The following MYO3B variants were observed in gnomAD, a reference collection of about 807,000 sequenced individuals.
MYO3B encodes myosin-IIIb.
Under a neutral mutation model 174.6 loss-of-function variants are expected in MYO3B, and 156 were observed. The ratio of observed to expected loss-of-function variants is 0.89; its 90% CI spans 0.78 to 1.02. MYO3B has a LOEUF of 1.02. Among genes scored for constraint, MYO3B ranks in the 50% least tolerant of loss-of-function variants. MYO3B has a pLI of 0.00. For missense variants in MYO3B, 1,632 were observed against 1,639.4 expected (o/e 1.00, Z 0.08); for synonymous variants, 563 against 569.1 (o/e 0.99, Z 0.15).
intron 32 of MYO3B, among the ~76,000 whole-genome samples, chr2:170,547,395 A>C (rs2106215878): frequency 6.6e-6 from 1 of 152,178 alleles, no homozygotes; most frequent in South Asian, 2.1e-4. Context: ...TCACATTAAG[A>C]GAAAAGCACA....
rs552594236 is a variant in MYO3B at position 170,416,818 on chromosome 2, G to GTTTTT, written c.2650+8993_2650+8997dup. 1.9e-3 allele frequency among the ~76,000 whole-genome samples: 221 copies of GTTTTT among 116,070 alleles called. 6 individuals are homozygous for GTTTTT. Among genetic ancestry groups the GTTTTT allele is most frequent in the Non-Finnish European group, 2.4e-3 (135 of 56,870 alleles). 76.1% of individuals were successfully genotyped at this position (116,070 alleles called of 152,430 possible). A position where few individuals can be genotyped will look rare whatever the true frequency, so the allele number is the denominator to read the frequency against. On this transcript the variant is annotated intron_variant, in intron 22 of 34. Coordinates refer to ENST00000408978, the MANE Select transcript of MYO3B (RefSeq NM_138995.5). ...CTTTCCCCAGATCTTTTTTTCTGTT[G>GTTTTT]TTTTTTTTTTTTTTTTTTTTTTTGA...
chr2:170,439,901 C>T (rs1160202630), intron 22 of MYO3B, among the ~76,000 whole-genome samples: 2 of 152,070 alleles, frequency 1.3e-5, no homozygotes, highest in African/African-American at 2.4e-5. Context: ...AGGATGGTCT[C>T]GATCTCCTGA....
At chr2:170,493,576 A>G (rs762385476) in intron 25 of MYO3B, among the ~76,000 whole-genome samples, 14 of 152,298 alleles carry the variant, frequency 9.2e-5, no homozygotes, top group Non-Finnish European at 1.8e-4. Flanking sequence ...ACGTCTACAA[A>G]TTATTTGATA....
chr2:170,203,426 CT>C (rs986455091), intron 3 of MYO3B, among the ~76,000 whole-genome samples: 1 of 127,654 alleles, frequency 7.8e-6, no homozygotes, highest in South Asian at 2.5e-4. Flanking sequence ...AGTTTTACAT[CT>C]TTTTTTTCCC....
At chr2:170,638,881 A>G (rs1468266267) in intron 32 of MYO3B, among the ~76,000 whole-genome samples, 2 of 152,210 alleles carry the variant, frequency 1.3e-5, no homozygotes, top group Admixed American at 1.3e-4. Context: ...TCACATACCA[A>G]TATGTGTCAC....
chr2:170,231,983 T>G (rs1474303140), intron 6 of MYO3B, among the ~76,000 whole-genome samples: 1 of 152,216 alleles, frequency 6.6e-6, no homozygotes, highest in Non-Finnish European at 1.5e-5. Flanking sequence ...GCATTTGGGA[T>G]CCTGGACCTT....
chr2:170,475,924 C>T (rs986148891), intron 25 of MYO3B, among the ~76,000 whole-genome samples: 1 of 152,250 alleles, frequency 6.6e-6, no homozygotes, highest in African/African-American at 2.4e-5. Flanking sequence ...AGAGCATCTA[C>T]TTACCATAAA....
intron 32 of MYO3B, among the ~76,000 whole-genome samples, chr2:170,560,875 G>C (rs748029612): frequency 1.1e-4 from 17 of 152,134 alleles, no homozygotes; most frequent in Non-Finnish European, 1.8e-4. Flanking sequence ...GTGAATGCTG[G>C]GGGTACCGAC....
chr2:170,628,287 G>A (rs532478452), intron 32 of MYO3B, among the ~76,000 whole-genome samples: 2 of 152,214 alleles, frequency 1.3e-5, no homozygotes, highest in Non-Finnish European at 2.9e-5. Context: ...CTTGCAGTTC[G>A]ATCTCAGACT....
intron 7 of MYO3B, among the ~76,000 whole-genome samples, chr2:170,308,918 A>G (rs1401106641): frequency 6.6e-6 from 1 of 152,126 alleles, no homozygotes; most frequent in East Asian, 1.9e-4. Flanking sequence ...TGTAAAATTA[A>G]ACAATAGGAA....
chr2:170,434,380 T>C (rs570679411), intron 22 of MYO3B, among the ~76,000 whole-genome samples: 4 of 152,186 alleles, frequency 2.6e-5, no homozygotes, highest in Non-Finnish European at 5.9e-5. Flanking sequence ...AAGGTACTTC[T>C]GTATAGAAGG....
intron 30 of MYO3B, among the ~76,000 whole-genome samples, chr2:170,531,108 T>A (rs563585200): frequency 1.3e-5 from 2 of 152,340 alleles, no homozygotes; most frequent in Admixed American, 1.3e-4. Context: ...TTGACACAGA[T>A]GATCTCTTTC....
At chr2:170,551,382 T>TTATTTATTTATC (rs1198701361) in intron 32 of MYO3B, among the ~76,000 whole-genome samples, 12,315 of 138,646 alleles carry the variant, frequency 0.089, 680 homozygotes, top group South Asian at 0.11. Context: ...ATTTATTTAT[T>TTATTTATTTATC]TATTTTTAGG....
intron 6 of MYO3B, among the ~76,000 whole-genome samples, chr2:170,234,207 A>G (rs111828263): frequency 0.041 from 5,553 of 134,664 alleles, 341 homozygotes; most frequent in African/African-American, 0.12. Flanking sequence ...ACAAAAAAAA[A>G]ACACCTGTTT....
intron 7 of MYO3B, among the ~76,000 whole-genome samples, chr2:170,279,667 T>C (rs2093491757): frequency 6.6e-6 from 1 of 152,116 alleles, no homozygotes; most frequent in African/African-American, 2.4e-5. Flanking sequence ...TTCTTTGTGT[T>C]CATAAGTTCT....
chr2:170,496,646 G>A (rs1351421578), intron 25 of MYO3B, among the ~76,000 whole-genome samples: 4 of 148,946 alleles, frequency 2.7e-5, no homozygotes, highest in African/African-American at 9.8e-5. Context: ...TTATATATAT[G>A]TATATTTTTT....
At chr2:170,357,890 C>T (rs1021723688) in intron 8 of MYO3B, among the ~76,000 whole-genome samples, 2 of 152,178 alleles carry the variant, frequency 1.3e-5, no homozygotes, top group Non-Finnish European at 2.9e-5. Context: ...CAGTGGCTCA[C>T]GCCTGTAATC....
At chr2:170,635,532 G>A (rs918465318) in intron 32 of MYO3B, among the ~76,000 whole-genome samples, 3 of 152,094 alleles carry the variant, frequency 2.0e-5, no homozygotes, top group Non-Finnish European at 4.4e-5. Context: ...GTTAATGGGT[G>A]CAGCAAACCA....
intron 1 of MYO3B, among the ~76,000 whole-genome samples, chr2:170,190,361 T>A (rs1380122489): frequency 1.3e-5 from 2 of 152,144 alleles, no homozygotes; most frequent in African/African-American, 4.8e-5. Flanking sequence ...GGCTACTGCC[T>A]ACATTTACTC....
Sources: gnomAD v4.1 joint callset for allele counts (sites outside exome capture counted in the v4.1 genomes callset) on GRCh38, gnomAD v4.1.1 for gene constraint, MANE v1.5 for transcripts, NCBI Gene and HGNC (gene_info 2026-07-23, HGNC 2026-07-21) for gene names.